The following TUB variants were observed in gnomAD, a reference collection of about 807,000 sequenced individuals.
TUB encodes the protein TUB bipartite transcription factor, also known as tubby protein homolog.
In TUB, 33 loss-of-function variants were observed where a neutral mutation model predicts 59.7. That is an observed-to-expected ratio of 0.55 (90% confidence interval 0.42 to 0.74). TUB has a LOEUF of 0.74. Among genes scored for constraint, TUB ranks in the 30% least tolerant of loss-of-function variants. The pLI is 0.00. For missense variants in TUB, 659 were observed against 672.0 expected (o/e 0.98, Z 0.21); for synonymous variants, 293 against 256.4 (o/e 1.14, Z -1.36).
chr11:8,087,211 G>C (rs868064495), intron 1 of TUB, among the ~76,000 whole-genome samples: 1 of 152,246 alleles, frequency 6.6e-6, no homozygotes, highest in Non-Finnish European at 1.5e-5. Context: ...CAGCATTTCC[G>C]GAGGTGGCAT....
At chr11:8,063,074 G>C (rs60982924) in intron 2 of TUB, among the ~76,000 whole-genome samples, 2,079 of 152,268 alleles carry the variant, frequency 0.014, 47 homozygotes, top group African/African-American at 0.046. Flanking sequence ...CAGTGTCTGG[G>C]CCTGCTGAGG....
At chr11:8,071,250 G>T (rs374434309) in intron 2 of TUB, among the ~76,000 whole-genome samples, 2 of 152,244 alleles carry the variant, frequency 1.3e-5, no homozygotes, top group African/African-American at 4.8e-5. Context: ...TTTTTCATAG[G>T]GGTAGGTCTA....
At chr11:8,082,444 A>G (rs1881235) in intron 1 of TUB, among the ~76,000 whole-genome samples, 9,133 of 152,232 alleles carry the variant, frequency 0.06, 513 homozygotes, top group African/African-American at 0.14. Context: ...TTCTATTACC[A>G]GGGAAGGGAG....
In TUB at chr11:8,104,925, AG is replaced by A. The variant is rs1404192451; in HGVS notation, c.*3308del. 2 of 118,630 alleles carry A rather than the reference AG, an allele frequency of 1.7e-5. No homozygotes were observed. Among genetic ancestry groups the A allele is most frequent in the Non-Finnish European group, 3.7e-5 (2 of 53,482 alleles). 7.3% of individuals were successfully genotyped at this position (118,630 alleles called of 1,614,324 possible). A position where few individuals can be genotyped will look rare whatever the true frequency, so the allele number is the denominator to read the frequency against. ...TAGGGCACAAAATTCTAGAAGCAGA[AG>A]GTTGTTTTTTTTTTTTTTTCTCCAT... On this transcript the variant is annotated 3_prime_UTR_variant, in exon 12 of 12. Transcript: ENST00000299506.
chr11:8,068,736 C>T (rs1168775637), intron 2 of TUB: 7 of 152,628 alleles, frequency 4.6e-5, no homozygotes, highest in Non-Finnish European at 7.3e-5. Flanking sequence ...CGGGTCTTCA[C>T]CTCTGGCTGG....
At chr11:8,039,715 G>A (rs768675454) in intron 2 of TUB, 11 of 1,505,282 alleles carry the variant, frequency 7.3e-6, no homozygotes, top group Admixed American at 4.4e-5. Context: ...GGAGGAGGGC[G>A]TGCCGGCCCT....
intron 2 of TUB, chr11:8,067,575 C>T (rs539598629): frequency 5.9e-5 from 9 of 152,134 alleles, no homozygotes; most frequent in African/African-American, 1.4e-4. Flanking sequence ...TGTATTCACC[C>T]GACAAATATT....
chr11:8,081,547 A>T lies in TUB; in HGVS notation c.37A>T (p.Ser13Cys). 1 of 1,542,124 alleles carries T rather than the reference A, an allele frequency of 6.5e-7. No individual in the cohort carries two copies. The highest frequency in any genetic ancestry group is 8.7e-7 in the Non-Finnish European group (1 of 1,150,330). The change falls in exon 1 of 12, where the codon AGT becomes TGT. Residue 13 changes from serine (S) to cysteine (C), a missense_variant and splice_region_variant. This residue lies in a region of TUB where 321 missense variants were observed against 304.3 expected (regional missense o/e 1.05). Transcript: ENST00000299506. Reference protein sequence around the residue: ...SKPHSDWIPYSVLDDEGRNLR... With the variant: ...SKPHSDWIPYCVLDDEGRNLR... Reference sequence around the variant, plus strand: ...GCCGCATTCCGACTGGATTCCCTACAGGTACGCGGGCGCCGGGCCGGGGCG... The same window carrying T: ...GCCGCATTCCGACTGGATTCCCTACTGGTACGCGGGCGCCGGGCCGGGGCG...
At chr11:8,046,773 A>G (rs761942728) in intron 2 of TUB, among the ~76,000 whole-genome samples, 17 of 152,114 alleles carry the variant, frequency 1.1e-4, no homozygotes, top group Non-Finnish European at 1.9e-4. Context: ...ATAGGATCCT[A>G]TCATCCCCCA....
chr11:8,100,728 GGGAAATCCAA>G, intron 10 of TUB, 88 bp from the exon 11 acceptor site: 1 of 1,567,230 alleles, frequency 6.4e-7, no homozygotes, highest in African/African-American at 1.4e-5. Context: ...TGGAGGTCTA[GGGAAATCCAA>G]GGACCCCCAT....
chr11:8,094,733 G>A (rs1266530625), intron 4 of TUB, among the ~76,000 whole-genome samples: 3 of 152,220 alleles, frequency 2.0e-5, no homozygotes, highest in Non-Finnish European at 2.9e-5. Flanking sequence ...AGTGATTGGC[G>A]GTACCTGCCC....
Position 8,104,793 on chromosome 11 carries a change from A to AAG in TUB, c.*3175_*3176dup, listed in dbSNP as rs1944467480. The AAG allele has an allele frequency of 2.0e-5, 3 of 152,330 alleles. No homozygotes were observed. The highest frequency in any genetic ancestry group is 2.0e-4 in the Admixed American group (3 of 15,302). The allele number at this position is 152,330 out of a possible 1,614,324, so 9.4% of individuals were successfully genotyped here. ...AAAAATCAAGACACTAGTTCAGAGG[A>AAG]AGCACATAATGTCCAGATCTATGGC... On this transcript the variant is annotated 3_prime_UTR_variant, in exon 12 of 12. Coordinates refer to ENST00000299506, the MANE Select transcript of TUB (RefSeq NM_177972.3).
chr11:8,050,647 T>G (rs1355949668), intron 2 of TUB, among the ~76,000 whole-genome samples: 3 of 152,246 alleles, frequency 2.0e-5, no homozygotes, highest in Non-Finnish European at 2.9e-5. Flanking sequence ...TTAATTCATT[T>G]TTTTTAAAAA....
chr11:8,029,192 A>G (rs1942537537), intron 1 of TUB, among the ~76,000 whole-genome samples: 1 of 152,090 alleles, frequency 6.6e-6, no homozygotes, highest in Non-Finnish European at 1.5e-5. Context: ...CCGGGTTCCC[A>G]AACAAAGCAT....
At chr11:8,096,540 T>C (rs1292071811) in intron 5 of TUB, 145 bp from the exon 6 acceptor site, 2 of 691,796 alleles carry the variant, frequency 2.9e-6, no homozygotes, top group East Asian at 5.0e-5. Context: ...GGAGTCTATA[T>C]GTGTAGATAT....
intron 10 of TUB, 51 bp downstream of exon 10, chr11:8,100,652 A>G (rs1390750001): frequency 3.2e-6 from 5 of 1,581,734 alleles, no homozygotes; most frequent in African/African-American, 2.7e-5. Context: ...TAGTCTCTGC[A>G]TGAGCTTCTA....
At chr11:8,049,578 T>TATAGATAGATAGATAG (rs1554923442) in intron 2 of TUB, among the ~76,000 whole-genome samples, 56 of 85,924 alleles carry the variant, frequency 6.5e-4, no homozygotes, top group African/African-American at 1.8e-3. Context: ...TATATATATA[T>TATAGATAGATAGATAG]ATAGATAGAT....
chr11:8,089,580 A>G (rs371878372), intron 1 of TUB, 30 bp from the exon 2 acceptor site: 17 of 1,613,916 alleles, frequency 1.1e-5, no homozygotes, highest in African/African-American at 4.0e-5. Context: ...CTCACGGGCA[A>G]GCCCTGAAAA....
chr11:8,078,062 T>C (rs552758160), upstream of TUB, among the ~76,000 whole-genome samples: 3 of 152,130 alleles, frequency 2.0e-5, no homozygotes, highest in African/African-American at 4.8e-5. Flanking sequence ...ATAGCACATA[T>C]AAGACTCCAT....
Sources: gnomAD v4.1 joint callset for allele counts (sites outside exome capture counted in the v4.1 genomes callset) on GRCh38, gnomAD v4.1.1 for gene constraint, gnomAD v4.1.1 regional missense constraint, MANE v1.5 for transcripts, NCBI Gene and HGNC (gene_info 2026-07-23, HGNC 2026-07-21) for gene names.